KMT2C: variants seen among roughly 807,000 people sequenced by gnomAD.
The protein encoded by KMT2C is lysine methyltransferase 2C.
In KMT2C, 88 loss-of-function variants were observed where a neutral mutation model predicts 507.9. That is an observed-to-expected ratio of 0.17 (90% CI 0.15 to 0.21). The LOEUF (loss-of-function observed/expected upper bound fraction) is 0.21, where lower values mean the gene tolerates loss of function less well. KMT2C is among the 10% of genes least tolerant of loss of function. The probability of loss-of-function intolerance (pLI) is 1.00; values close to 1 mark genes in which losing one functional copy is unlikely to be tolerated. For missense variants in KMT2C, 4,954 were observed against 5,957.8 expected (o/e 0.83, Z 5.55); for synonymous variants, 2,049 against 2,080.8 (o/e 0.98, Z 0.42).
At position 152,152,787 on chromosome 7, in the gene KMT2C, C is replaced by A. The variant is rs147957197; in HGVS notation, c.12444G>T (p.Pro4148=). 4.3e-4 allele frequency: 689 copies of A among 1,613,994 alleles called. No individual in the cohort carries two copies. Among genetic ancestry groups the A allele is most frequent in the Non-Finnish European group, 5.4e-4 (640 of 1,180,018 alleles). ...ATCTGGGAGGGTTTGCAGATCCTGGCGGAGGCCCACGGAGAAGTAAATGCT... is the reference window on the plus strand; with the variant it reads ...ATCTGGGAGGGTTTGCAGATCCTGGAGGAGGCCCACGGAGAAGTAAATGCT... ...YRQHLLLRGP[P]PGSANPPRLV... The change falls in exon 49 of 59, where the codon CCG becomes CCT. Residue 4148 remains proline (P), a synonymous_variant. Coordinates refer to ENST00000262189, the MANE Select transcript of KMT2C (RefSeq NM_170606.3).
intron 33 of KMT2C, among the ~76,000 whole-genome samples, chr7:152,186,147 C>T (rs570541909): frequency 1.0e-3 from 154 of 152,220 alleles, no homozygotes; most frequent in African/African-American, 3.5e-3. Flanking sequence ...GTAAGATCAA[C>T]AGTTAATGAT....
chr7:152,232,344 G>T (rs2095144231), intron 16 of KMT2C, among the ~76,000 whole-genome samples: 1 of 152,174 alleles, frequency 6.6e-6, no homozygotes, highest in African/African-American at 2.4e-5. Flanking sequence ...TTAAAAGTAG[G>T]GAGGTAGAAA....
chr7:152,207,150 T>A, intron 24 of KMT2C, 150 bp downstream of exon 24: 1 of 698,192 alleles, frequency 1.4e-6, no homozygotes, highest in Non-Finnish European at 2.2e-6. Context: ...CGTATTCAAA[T>A]AGTTTAGTTC....
At chr7:152,309,577 T>C (rs2096652517) in intron 6 of KMT2C, among the ~76,000 whole-genome samples, 1 of 142,616 alleles carries the variant, frequency 7.0e-6, no homozygotes, top group African/African-American at 2.6e-5. Context: ...TGGAGTGCAA[T>C]GGCGCAATCT....
chr7:152,251,640 C>CTAA (rs2095563602), intron 11 of KMT2C, among the ~76,000 whole-genome samples: 1 of 152,074 alleles, frequency 6.6e-6, no homozygotes, highest in African/African-American at 2.4e-5. Context: ...AAAGAACAAA[C>CTAA]TAAGCAAACC....
chr7:152,323,456 A>G (rs1189488300), intron 3 of KMT2C, among the ~76,000 whole-genome samples: 1 of 151,710 alleles, frequency 6.6e-6, no homozygotes, highest in Non-Finnish European at 1.5e-5. Context: ...TGGGCAACAC[A>G]GTAAGACTCC....
chr7:152,253,514 C>CAAAAAAAAAAAAAAAAAAA (rs71198770), intron 9 of KMT2C, among the ~76,000 whole-genome samples: 3 of 39,516 alleles, frequency 7.6e-5, no homozygotes, highest in African/African-American at 2.3e-4. Context: ...TCTTTCTCTA[C>CAAAAAAAAAAAAAAAAAAA]AAAAAAAAAA....
rs907234006 is a variant in KMT2C at position 152,138,332 on chromosome 7, A to C, written c.14643+464T>G. On this transcript the variant is annotated intron_variant, in intron 58 of 58. Coordinates refer to ENST00000262189, the MANE Select transcript of KMT2C (RefSeq NM_170606.3). The surrounding 1 kb of genome is among the most constrained non-coding windows in gnomAD (Gnocchi z 4.2). ...GCGATGTGGGCACTTGGTTAAGCACACACTGATCGCCAGCGTGAGCACACA... is the reference window on the plus strand; with the variant it reads ...GCGATGTGGGCACTTGGTTAAGCACCCACTGATCGCCAGCGTGAGCACACA... 4.3e-5 allele frequency: 7 copies of C among 162,190 alleles called. No individual in the cohort carries two copies. The highest frequency in any genetic ancestry group is 8.2e-5 in the Non-Finnish European group (6 of 73,488). The allele number at this position is 162,190 out of a possible 1,614,324, so 10.0% of individuals were successfully genotyped here. A position where few individuals can be genotyped will look rare whatever the true frequency, so the allele number is the denominator to read the frequency against.
intron 39 of KMT2C, among the ~76,000 whole-genome samples, chr7:152,172,694 A>G (rs867324988): frequency 6.6e-6 from 1 of 152,226 alleles, no homozygotes; most frequent in South Asian, 2.1e-4. Flanking sequence ...TCAGAAACAA[A>G]AACCAAAACA....
rs2096710628 is a variant in KMT2C at position 152,315,074 on chromosome 7, T to C, written c.590+64A>G. On this transcript the variant is annotated intron_variant, in intron 4 of 58. Coordinates refer to ENST00000262189, the MANE Select transcript of KMT2C (RefSeq NM_170606.3). ...ATCCCATTTGAAAATTTATAAACATTATAATGGAAATAAATTATATGCAGT... is the reference window on the plus strand; with the variant it reads ...ATCCCATTTGAAAATTTATAAACATCATAATGGAAATAAATTATATGCAGT... 7.3e-6 allele frequency: 10 copies of C among 1,363,844 alleles called. No homozygotes were observed. The East Asian group carries it at 2.3e-4, about 31-fold the overall frequency. The allele number at this position is 1,363,844 out of a possible 1,614,324, so 84.5% of individuals were successfully genotyped here. A position where few individuals can be genotyped will look rare whatever the true frequency, so the allele number is the denominator to read the frequency against.
At chr7:152,258,269 T>C (rs1022406352) in intron 9 of KMT2C, among the ~76,000 whole-genome samples, 1 of 152,158 alleles carries the variant, frequency 6.6e-6, no homozygotes, top group African/African-American at 2.4e-5. Context: ...ACAGCAAGTA[T>C]GGGACTATTT....
At chr7:152,151,637 A>G in intron 49 of KMT2C, 56 bp from the exon 50 acceptor site, 1 of 1,506,376 alleles carries the variant, frequency 6.6e-7, no homozygotes, top group Non-Finnish European at 9.2e-7. Flanking sequence ...ACAAGGTGGC[A>G]CATGGTGAAA....
intron 6 of KMT2C, among the ~76,000 whole-genome samples, chr7:152,283,069 A>C (rs2096246262): frequency 6.6e-6 from 1 of 152,232 alleles, no homozygotes. Flanking sequence ...TGAAATAATC[A>C]GATAGATGAA....
rs1317464205 is a variant in KMT2C, at chr7:152,203,039, A to G, written c.3987T>C (p.Thr1329=). 1 of 1,611,020 alleles carries G rather than the reference A, an allele frequency of 6.2e-7. No individual in the cohort carries two copies. Among genetic ancestry groups the G allele is most frequent in the Admixed American group, 1.7e-5 (1 of 59,760 alleles). Residue 1329 remains threonine, a synonymous_variant, in exon 26 of 59, where the codon ACT becomes ACC. Transcript: ENST00000262189. ...TAACAGAAACAGATTCATCAACTAAAGTATCTGGTAACTGCTCACTCCAGC... is the reference window on the plus strand; with the variant it reads ...TAACAGAAACAGATTCATCAACTAAGGTATCTGGTAACTGCTCACTCCAGC... ...DDGWSEQLPD[T]LVDESVSVTE...
At chr7:152,395,204 AG>A (rs1421941406) in intron 1 of KMT2C, among the ~76,000 whole-genome samples, 3 of 152,166 alleles carry the variant, frequency 2.0e-5, no homozygotes, top group Non-Finnish European at 4.4e-5. Flanking sequence ...TTGTTTGTTG[AG>A]ACAGGGTCTT....
At chr7:152,310,206 C>A in intron 5 of KMT2C, 131 bp from the exon 6 acceptor site, 1 of 622,434 alleles carries the variant, frequency 1.6e-6, no homozygotes, top group Non-Finnish European at 2.8e-6. Flanking sequence ...TTTGTGATAG[C>A]AGTAAAGTGG....
At chr7:152,167,048 C>T in intron 42 of KMT2C, 98 bp downstream of exon 42, 1 of 960,108 alleles carries the variant, frequency 1.0e-6, no homozygotes, top group Non-Finnish European at 1.6e-6. Context: ...TAATACTAGT[C>T]AAAAAAAATC....
Position 152,207,387 on chromosome 7 carries a change from G to A in KMT2C, c.3754C>T (p.Pro1252Ser), listed in dbSNP as rs756258310. Residue 1252 changes from proline to serine, a missense_variant, in exon 24 of 59, where the codon CCT becomes TCT. Around this residue, in one of 29 missense-constraint regions of KMT2C, gnomAD observed 176 missense variants for 262.0 expected, o/e 0.67. Coordinates refer to ENST00000262189, the MANE Select transcript of KMT2C (RefSeq NM_170606.3). ...TCATCATCCACAGCTTCCCGCTCAGGACTAGATTCTGATTTTCCATCACAA... is the reference window on the plus strand; with the variant it reads ...TCATCATCCACAGCTTCCCGCTCAGAACTAGATTCTGATTTTCCATCACAA... ...MDCDGKSESS[P>S]EREAVDDETK... is the part of the protein sequence containing the mutation. 1 of 1,609,446 alleles carries A rather than the reference G, an allele frequency of 6.2e-7. No homozygotes were observed. The highest frequency in any genetic ancestry group is 8.5e-7 in the Non-Finnish European group (1 of 1,177,954).
chr7:152,412,773 G>GA (rs2097696796), intron 1 of KMT2C, among the ~76,000 whole-genome samples: 1 of 152,140 alleles, frequency 6.6e-6, no homozygotes, highest in African/African-American at 2.4e-5. Context: ...TGGTGGGGGG[G>GA]ATGGTGCTGG....
Sources: gnomAD v4.1 joint callset for allele counts (sites outside exome capture counted in the v4.1 genomes callset) on GRCh38, gnomAD v4.1.1 for gene constraint, gnomAD v4.1.1 regional missense constraint, Gnocchi (gnomAD v3.1) non-coding constraint, MANE v1.5 for transcripts, NCBI Gene and HGNC (gene_info 2026-07-23, HGNC 2026-07-21) for gene names.